The following FILIP1L variants were observed in gnomAD, a reference collection of about 807,000 sequenced individuals.
FILIP1L encodes filamin A interacting protein 1 like.
A neutral mutation model predicts 96.6 loss-of-function variants in FILIP1L; 55 were observed. That is an observed-to-expected ratio of 0.57 (90% CI 0.46 to 0.71). The LOEUF (loss-of-function observed/expected upper bound fraction) is 0.71. FILIP1L is among the 30% of genes least tolerant of loss of function. FILIP1L has a pLI of 0.00. For synonymous variants in FILIP1L, 467 were observed against 473.9 expected (o/e 0.99, Z 0.19); for missense variants, 1,304 against 1,321.2 (o/e 0.99, Z 0.20).
intron 4 of FILIP1L, among the ~76,000 whole-genome samples, chr3:99,923,960 C>A (rs75597220): frequency 6.6e-6 from 1 of 152,206 alleles, no homozygotes; most frequent in African/African-American, 2.4e-5. Context: ...AGGGACTAGA[C>A]CCCTGTTGCC....
At chr3:99,940,298 C>T (rs1307035574) in intron 1 of FILIP1L, among the ~76,000 whole-genome samples, 1 of 152,194 alleles carries the variant, frequency 6.6e-6, no homozygotes, top group Non-Finnish European at 1.5e-5. Flanking sequence ...CACTTCCAAC[C>T]CTAGATCAGA....
intron 1 of FILIP1L, among the ~76,000 whole-genome samples, chr3:100,022,065 G>C (rs2064836187): frequency 6.6e-6 from 1 of 151,802 alleles, no homozygotes; most frequent in South Asian, 2.1e-4. Context: ...GCAGTAGCTT[G>C]TAACCAACAC....
intron 4 of FILIP1L, among the ~76,000 whole-genome samples, chr3:99,853,343 AC>A (rs1422412712): frequency 6.6e-6 from 1 of 152,266 alleles, no homozygotes; most frequent in Non-Finnish European, 1.5e-5. Context: ...TTATTAGAGA[AC>A]AGTTTCACAA....
chr3:99,881,716 A>G (rs966762947), intron 4 of FILIP1L, among the ~76,000 whole-genome samples: 10 of 152,022 alleles, frequency 6.6e-5, no homozygotes, highest in African/African-American at 1.7e-4. Flanking sequence ...TATTTTTAGT[A>G]AAGACGGGGT....
chr3:100,097,339 A>G (rs2066227790), intron 1 of FILIP1L, among the ~76,000 whole-genome samples: 1 of 152,224 alleles, frequency 6.6e-6, no homozygotes, highest in African/African-American at 2.4e-5. Flanking sequence ...TAAGTAATCT[A>G]GACATTTTTT....
chr3:100,017,937 A>G (rs1710392568), intron 1 of FILIP1L, among the ~76,000 whole-genome samples: 1 of 152,146 alleles, frequency 6.6e-6, no homozygotes, highest in South Asian at 2.1e-4. Flanking sequence ...GGAACTTCTC[A>G]GCCTCCATAA....
chr3:99,922,901 T>C (rs1016280949), intron 4 of FILIP1L, among the ~76,000 whole-genome samples: 2 of 152,244 alleles, frequency 1.3e-5, no homozygotes, highest in African/African-American at 4.8e-5. Flanking sequence ...CATTGCAATT[T>C]GGCTTCTGCC....
At chr3:99,933,531 A>G (rs1034275211) in intron 1 of FILIP1L, among the ~76,000 whole-genome samples, 2 of 152,194 alleles carry the variant, frequency 1.3e-5, no homozygotes, top group Non-Finnish European at 2.9e-5. Flanking sequence ...AAAAAAGACA[A>G]AAATGAAAAA....
intron 4 of FILIP1L, among the ~76,000 whole-genome samples, chr3:99,884,713 C>T (rs1033618264): frequency 4.6e-5 from 7 of 152,164 alleles, no homozygotes; most frequent in African/African-American, 7.2e-5. Flanking sequence ...CAATCATGTG[C>T]GAACTACTCC....
intron 1 of FILIP1L, among the ~76,000 whole-genome samples, chr3:100,068,209 T>C (rs2065699228): frequency 6.6e-6 from 1 of 152,230 alleles, no homozygotes; most frequent in African/African-American, 2.4e-5. Context: ...TGATTCCTGG[T>C]ATTGACAAAG....
intron 1 of FILIP1L, among the ~76,000 whole-genome samples, chr3:100,104,112 T>G (rs1287021617): frequency 3.9e-5 from 6 of 152,306 alleles, no homozygotes; most frequent in South Asian, 4.1e-4. Context: ...CTGCTCTCTG[T>G]GTGTGTTTGG....
At chr3:99,983,404 A>G (rs1440209552) in intron 1 of FILIP1L, among the ~76,000 whole-genome samples, 3 of 110,550 alleles carry the variant, frequency 2.7e-5, no homozygotes, top group African/African-American at 1.1e-4. Context: ...ATATATATAT[A>G]TATATATATA....
At chr3:99,895,241 T>C (rs1284944976) in intron 4 of FILIP1L, among the ~76,000 whole-genome samples, 3 of 152,218 alleles carry the variant, frequency 2.0e-5, no homozygotes, top group African/African-American at 7.2e-5. Context: ...CATGATAGCA[T>C]GTTCTTTTAG....
At chr3:99,834,455 G>A (rs570945165) in intron 5 of FILIP1L, among the ~76,000 whole-genome samples, 1 of 152,124 alleles carries the variant, frequency 6.6e-6, no homozygotes, top group Non-Finnish European at 1.5e-5. Flanking sequence ...CAGCAGTGGG[G>A]GCAATCCAAG....
In FILIP1L at chr3:99,850,366, CT is replaced by C. The variant is rs1335788825; in HGVS notation, c.1309del (p.Ser437AlafsTer8). 6.2e-7 allele frequency: 1 copy of C among 1,612,638 alleles called. No individual in the cohort carries two copies. Among genetic ancestry groups the C allele is most frequent in the Non-Finnish European group, 8.5e-7 (1 of 1,179,772 alleles). ...TTTCAGAGAGTAGCATTCTTGTTTG[CT>C]TTTGTTGAAAGCGTCTTCTAACTTT... ...LEKLEDAFNK[S>X]KQECYSLKCN... On this transcript the variant is annotated frameshift_variant, in exon 5 of 6. Transcript: ENST00000477258. LOFTEE classifies it high-confidence loss of function.
intron 4 of FILIP1L, chr3:99,876,011 G>T: frequency 1.0e-6 from 1 of 975,430 alleles, no homozygotes; most frequent in East Asian, 1.1e-4. Flanking sequence ...CCACAGACTT[G>T]CTACCTGGCT....
chr3:99,947,324 A>G (rs1708041838), intron 1 of FILIP1L, among the ~76,000 whole-genome samples: 1 of 152,160 alleles, frequency 6.6e-6, no homozygotes, highest in Admixed American at 6.5e-5. Flanking sequence ...TTTAGGGAAC[A>G]TTAGCTATTG....
chr3:100,072,668 A>G lies in FILIP1L; in HGVS notation c.-11+41385T>C, dbSNP rs13083461. On this transcript the variant is annotated intron_variant, in intron 1 of 5. Transcript: ENST00000477258. Reference sequence around the variant, plus strand: ...AGGAAATCTTTATTGCCTTCCAGAAATATGGGATTGCTTGAACACAGCTGA... The same window carrying G: ...AGGAAATCTTTATTGCCTTCCAGAAGTATGGGATTGCTTGAACACAGCTGA... Among the ~76,000 whole-genome samples, 407 of 152,332 alleles carry G rather than the reference A, an allele frequency of 2.7e-3. 1 individual carries two copies. Among genetic ancestry groups the G allele is most frequent in the Middle Eastern group, 6.8e-3 (2 of 294 alleles).
At chr3:99,886,684 T>C (rs1337481428) in intron 4 of FILIP1L, among the ~76,000 whole-genome samples, 1 of 152,238 alleles carries the variant, frequency 6.6e-6, no homozygotes, top group Non-Finnish European at 1.5e-5. Context: ...GCCAGCGTGG[T>C]GGCTCATGCC....
Sources: gnomAD v4.1 joint callset for allele counts (sites outside exome capture counted in the v4.1 genomes callset) on GRCh38, gnomAD v4.1.1 for gene constraint, MANE v1.5 for transcripts, NCBI Gene and HGNC (gene_info 2026-07-23, HGNC 2026-07-21) for gene names.